The following HSD17B2 variants were observed in gnomAD, a reference collection of about 807,000 sequenced individuals.
The protein encoded by HSD17B2 is 17-beta-hydroxysteroid dehydrogenase type 2.
In HSD17B2, 32 loss-of-function variants were observed where a neutral mutation model predicts 26.9. That is an observed-to-expected ratio of 1.19 (90% CI 0.90 to 1.60). The LOEUF is 1.60. Among genes scored for constraint, HSD17B2 ranks in the 40% most tolerant of loss-of-function variants. HSD17B2 has a pLI of 0.00. For synonymous variants in HSD17B2, 246 were observed against 186.7 expected, an observed-to-expected ratio of 1.32 and a Z score of -2.59; for missense variants, 613 against 468.6, an observed-to-expected ratio of 1.31 and a Z score of -2.85.
In HSD17B2 at chr16:82,068,347, C is replaced by T. The variant is rs891765768; in HGVS notation, c.443C>T (p.Ala148Val). The T allele has an allele frequency of 6.2e-7, 1 of 1,613,484 alleles. No homozygotes were observed. Among genetic ancestry groups the T allele is most frequent in the Non-Finnish European group, 8.5e-7 (1 of 1,179,926 alleles). The change falls in exon 2 of 5, where the codon GCT (alanine) becomes GTT (valine). Residue 148 changes from alanine (A) to valine (V), a missense_variant. By Grantham distance (64) the Ala-to-Val change is moderately conservative. Coordinates refer to ENST00000199936, the MANE Select transcript of HSD17B2 (RefSeq NM_002153.3). Reference protein sequence around the residue: ...DITKPVQIKDAYSKVAAMLQD... With the variant: ...DITKPVQIKDVYSKVAAMLQD... ...ACGAAGCCAGTGCAGATAAAAGATG[C>T]TTACAGCAAGGTTGCAGCAATGCTG...
intron 1 of HSD17B2, among the ~76,000 whole-genome samples, chr16:82,052,113 T>G (rs1914126488): frequency 6.6e-6 from 1 of 152,164 alleles, no homozygotes. Context: ...TATCCGAGAT[T>G]TGAGGTCTTG....
intron 3 of HSD17B2, among the ~76,000 whole-genome samples, chr16:82,076,136 T>C (rs1478884173): frequency 6.6e-6 from 1 of 152,100 alleles, no homozygotes; most frequent in Non-Finnish European, 1.5e-5. Context: ...AACCATATGA[T>C]CATTTCAATT....
At position 82,065,338 on chromosome 16, in the gene HSD17B2, T is replaced by C. The variant is rs115943854; in HGVS notation, c.266-2832T>C. ...CTCTAGAGAGCAGCAGATACCCTGA[T>C]TGACTGTTTATGTGCTCCGTAGAGT... On this transcript the variant is annotated intron_variant, in intron 1 of 4. Transcript: ENST00000199936. 6.8e-3 allele frequency among the ~76,000 whole-genome samples: 1,028 copies of C among 152,294 alleles called. 13 individuals carry two copies. Among genetic ancestry groups the C allele is most frequent in the African/African-American group, 0.024 (990 of 41,554 alleles).
chr16:82,050,275 T>C (rs1914067483), intron 1 of HSD17B2, among the ~76,000 whole-genome samples: 1 of 152,094 alleles, frequency 6.6e-6, no homozygotes, highest in South Asian at 2.1e-4. Context: ...CCCAGCATTC[T>C]GTAGTGACCA....
chr16:82,050,374 A>G (rs1043226149), intron 1 of HSD17B2, among the ~76,000 whole-genome samples: 8 of 151,202 alleles, frequency 5.3e-5, no homozygotes, highest in African/African-American at 1.7e-4. Flanking sequence ...TGCTGAGGCT[A>G]TTACTTTCCA....
intron 1 of HSD17B2, among the ~76,000 whole-genome samples, chr16:82,047,027 C>T (rs76916535): frequency 0.03 from 4,517 of 152,300 alleles, 91 homozygotes; most frequent in Middle Eastern, 0.068. Context: ...AAGCACCTTC[C>T]GCATTCAGAC....
At chr16:82,063,870 C>T (rs1914509862) in intron 1 of HSD17B2, among the ~76,000 whole-genome samples, 2 of 152,078 alleles carry the variant, frequency 1.3e-5, no homozygotes, top group East Asian at 1.9e-4. Flanking sequence ...CACTTTGTTC[C>T]GACTGACCAG....
intron 1 of HSD17B2, among the ~76,000 whole-genome samples, chr16:82,067,600 A>G (rs1338801786): frequency 6.6e-6 from 1 of 152,166 alleles, no homozygotes; most frequent in Non-Finnish European, 1.5e-5. Flanking sequence ...CGTCTATTCC[A>G]TGGCTCAGGG....
At position 82,084,280 on chromosome 16, in the gene HSD17B2, C is replaced by T. The variant is rs114067866; in HGVS notation, c.665-6622C>T. Among the ~76,000 whole-genome samples, 76 of 152,224 alleles carry T rather than the reference C, an allele frequency of 5.0e-4. 1 individual carries two copies. Among genetic ancestry groups the T allele is most frequent in the African/African-American group, 1.4e-3 (57 of 41,544 alleles). ...TGTAAGGGCACTGTCCTGTGCATTACGGGGTGTTTAACAGCATATGTGTCC... is the reference window on the plus strand; with the variant it reads ...TGTAAGGGCACTGTCCTGTGCATTATGGGGTGTTTAACAGCATATGTGTCC... On this transcript the variant is annotated intron_variant, in intron 3 of 4. Coordinates refer to ENST00000199936, the MANE Select transcript of HSD17B2 (RefSeq NM_002153.3).
At position 82,061,948 on chromosome 16, in the gene HSD17B2, T is replaced by C. The variant is rs568800955; in HGVS notation, c.266-6222T>C. ...AGCACTCAGTCCTGTATTTACAGGGTGGATGCGTTTTATTCAAGAGGCCTG... is the reference window on the plus strand; with the variant it reads ...AGCACTCAGTCCTGTATTTACAGGGCGGATGCGTTTTATTCAAGAGGCCTG... On this transcript the variant is annotated intron_variant, in intron 1 of 4. Transcript: ENST00000199936. Among the ~76,000 whole-genome samples the C allele has an allele frequency of 9.9e-5, 15 of 152,204 alleles. No individual in the cohort carries two copies. The South Asian group carries it at 2.7e-3, about 27-fold the overall frequency.
intron 3 of HSD17B2, among the ~76,000 whole-genome samples, chr16:82,086,482 T>C (rs565736753): frequency 6.6e-6 from 1 of 152,264 alleles, no homozygotes; most frequent in East Asian, 1.9e-4. Flanking sequence ...GGAAATAAAA[T>C]GACCACCAGA....
intron 1 of HSD17B2, among the ~76,000 whole-genome samples, chr16:82,064,333 T>G (rs945751866): frequency 6.6e-6 from 1 of 152,258 alleles, no homozygotes; most frequent in Admixed American, 6.5e-5. Flanking sequence ...GTAGCAAGCA[T>G]AGAAACTTCA....
chr16:82,042,252 G>A (rs573643236), intron 1 of HSD17B2, among the ~76,000 whole-genome samples: 32 of 152,176 alleles, frequency 2.1e-4, no homozygotes, highest in Non-Finnish European at 4.1e-4. Context: ...TGATCTTCCC[G>A]CCTCAGCCTC....
chr16:82,068,220 G>A lies in HSD17B2; in HGVS notation c.316G>A (p.Gly106Ser), dbSNP rs1190156357. Residue 106 changes from glycine to serine, a missense_variant, in exon 2 of 5, where the codon GGC becomes AGC. Coordinates refer to ENST00000199936, the MANE Select transcript of HSD17B2 (RefSeq NM_002153.3). ...HALCKYLDEL[G>S]FTVFAGVLNE... Reference sequence around the variant, plus strand: ...TTTGTGCAAGTATCTGGATGAGCTGGGCTTCACGGTATTTGCCGGAGTTTT... The same window carrying A: ...TTTGTGCAAGTATCTGGATGAGCTGAGCTTCACGGTATTTGCCGGAGTTTT... 1 of 1,613,980 alleles carries A rather than the reference G, an allele frequency of 6.2e-7. No homozygotes were observed. The highest frequency in any genetic ancestry group is 1.3e-5 in the African/African-American group (1 of 74,886).
At chr16:82,062,382 C>G (rs1436719723) in intron 1 of HSD17B2, among the ~76,000 whole-genome samples, 2 of 152,192 alleles carry the variant, frequency 1.3e-5, no homozygotes, top group Non-Finnish European at 2.9e-5. Flanking sequence ...CAGGTGCCCT[C>G]AGCACTAGTG....
intron 1 of HSD17B2, among the ~76,000 whole-genome samples, chr16:82,055,296 G>A (rs1039745960): frequency 2.6e-5 from 4 of 152,164 alleles, no homozygotes; most frequent in East Asian, 1.9e-4. Flanking sequence ...GCACTCTTCC[G>A]TGAACATGGC....
At chr16:82,042,969 T>A (rs551654610) in intron 1 of HSD17B2, among the ~76,000 whole-genome samples, 4 of 152,330 alleles carry the variant, frequency 2.6e-5, no homozygotes, top group African/African-American at 9.6e-5. Context: ...AACACATTCT[T>A]GTGGCCAAAT....
intron 1 of HSD17B2, chr16:82,063,372 C>T (rs768888718): frequency 4.6e-5 from 7 of 152,054 alleles, no homozygotes; most frequent in Non-Finnish European, 7.3e-5. Context: ...CATTATTTAG[C>T]CCATTTTACA....
chr16:82,054,675 T>C (rs139317347), intron 1 of HSD17B2, among the ~76,000 whole-genome samples: 40 of 152,282 alleles, frequency 2.6e-4, no homozygotes, highest in African/African-American at 8.4e-4. Context: ...CACTTAGCCA[T>C]TTCCACCAAC....
Sources: gnomAD v4.1 joint callset for allele counts (sites outside exome capture counted in the v4.1 genomes callset) on GRCh38, gnomAD v4.1.1 for gene constraint, MANE v1.5 for transcripts, NCBI Gene and HGNC (gene_info 2026-07-23, HGNC 2026-07-21) for gene names.